Variants in TNFSF4 observed in about 807,000 individuals in gnomAD.
The protein encoded by TNFSF4 is TNF superfamily member 4.
A neutral mutation model predicts 7.3 loss-of-function variants in TNFSF4; 4 were observed. That is an observed-to-expected ratio of 0.55 (90% CI 0.27 to 1.25). TNFSF4 has a LOEUF of 1.25. Ranked by LOEUF, TNFSF4 falls within the 50% of genes most tolerant of loss-of-function variation. The probability of loss-of-function intolerance (pLI) is 0.12; values close to 1 mark genes in which losing one functional copy is unlikely to be tolerated. For synonymous variants in TNFSF4, 76 were observed against 83.7 expected, an observed-to-expected ratio of 0.91 and a Z score of 0.50; for missense variants, 181 against 208.8, an observed-to-expected ratio of 0.87 and a Z score of 0.82.
At chr1:173,289,364 G>A in the TNFSF4 span, among the ~76,000 whole-genome samples, 1 of 152,092 alleles carries the variant, frequency 6.6e-6, no homozygotes, top group Non-Finnish European at 1.5e-5. Context: ...ATGCTATCTT[G>A]AAATTTCCCA....
intron 2 of TNFSF4, 175 bp downstream of exon 2, chr1:173,188,346 T>C: frequency 1.7e-6 from 1 of 603,014 alleles, no homozygotes; most frequent in East Asian, 2.8e-5. Flanking sequence ...TTTCTCTTTA[T>C]ACATCTGTAT....
chr1:173,279,118 G>A, the TNFSF4 span, among the ~76,000 whole-genome samples: 1 of 151,972 alleles, frequency 6.6e-6, no homozygotes, highest in African/African-American at 2.4e-5. Context: ...TTTCCCCTAG[G>A]ACATTGTAGG....
the TNFSF4 span, among the ~76,000 whole-genome samples, chr1:173,306,847 A>C: frequency 2.0e-5 from 3 of 151,996 alleles, no homozygotes; most frequent in Middle Eastern, 3.4e-3. Context: ...ATGGATTCGA[A>C]CTTCCCTGAC....
the TNFSF4 span, among the ~76,000 whole-genome samples, chr1:173,306,373 T>C: frequency 3.7e-4 from 56 of 151,924 alleles, no homozygotes; most frequent in Admixed American, 5.9e-4. Context: ...AATCTCTAGC[T>C]CTTATTCCAC....
the TNFSF4 span, among the ~76,000 whole-genome samples, chr1:173,253,738 C>T: frequency 2.4e-4 from 36 of 152,128 alleles, no homozygotes; most frequent in Admixed American, 1.3e-3. Flanking sequence ...GCTCCTCTGA[C>T]GTTGTGGGGT....
the TNFSF4 span, among the ~76,000 whole-genome samples, chr1:173,420,980 TAC>T: frequency 1.3e-5 from 2 of 152,322 alleles, no homozygotes; most frequent in Admixed American, 1.3e-4. Flanking sequence ...ATGCACCAGT[TAC>T]AGTTATGTTA....
chr1:173,251,448 T>G, the TNFSF4 span, among the ~76,000 whole-genome samples: 1 of 152,180 alleles, frequency 6.6e-6, no homozygotes, highest in Non-Finnish European at 1.5e-5. Context: ...TCTATGACAG[T>G]GCCTAGCACA....
chr1:173,176,995 G>C, the TNFSF4 span, among the ~76,000 whole-genome samples: 1 of 152,088 alleles, frequency 6.6e-6, no homozygotes, highest in Non-Finnish European at 1.5e-5. Context: ...GGGGTTAGGA[G>C]AGGATAAAAA....
chr1:173,226,000 T>C, the TNFSF4 span, among the ~76,000 whole-genome samples: 2 of 152,242 alleles, frequency 1.3e-5, no homozygotes, highest in African/African-American at 4.8e-5. Context: ...TTTTTAAAAA[T>C]AAATTCATTT....
the TNFSF4 span, among the ~76,000 whole-genome samples, chr1:173,372,255 T>G: frequency 6.6e-6 from 1 of 152,148 alleles, no homozygotes; most frequent in Non-Finnish European, 1.5e-5. Flanking sequence ...GATCACTGGT[T>G]TTTGCTGACT....
chr1:173,204,720 T>C (rs963238623), intron 1 of TNFSF4, among the ~76,000 whole-genome samples: 2 of 151,486 alleles, frequency 1.3e-5, no homozygotes, highest in African/African-American at 4.9e-5. Flanking sequence ...AGGTTTGACT[T>C]GCCTCATCAC....
chr1:173,242,471 GA>G, the TNFSF4 span, among the ~76,000 whole-genome samples: 1 of 152,188 alleles, frequency 6.6e-6, no homozygotes, highest in Non-Finnish European at 1.5e-5. Flanking sequence ...TTGAGTAAAA[GA>G]ATTAGAGTAG....
At chr1:173,280,039 T>G in the TNFSF4 span, among the ~76,000 whole-genome samples, 1 of 152,118 alleles carries the variant, frequency 6.6e-6, no homozygotes, top group Non-Finnish European at 1.5e-5. Flanking sequence ...ACTTTTTCAG[T>G]CTTTCCTCTG....
chr1:173,207,296 G>A lies in TNFSF4; in HGVS notation c.-120C>T. The A allele has an allele frequency of 2.2e-6, 2 of 921,064 alleles. No individual in the cohort carries two copies. The highest frequency in any genetic ancestry group is 1.7e-5 in the African/African-American group (1 of 60,146). 57.1% of individuals were successfully genotyped at this position (921,064 alleles called of 1,614,324 possible). A position where few individuals can be genotyped will look rare whatever the true frequency, so the allele number is the denominator to read the frequency against. ...AACAAAGCCTATCAATCAGAAAATA[G>A]GCAAAGGTCCCAGGGCCAGAGATAA... On this transcript the variant is annotated 5_prime_UTR_variant, in exon 1 of 3. Transcript: ENST00000281834.
chr1:173,309,402 GT>G, the TNFSF4 span, among the ~76,000 whole-genome samples: 18 of 150,622 alleles, frequency 1.2e-4, no homozygotes, highest in Admixed American at 6.6e-4. Context: ...AGTTTACTGA[GT>G]TTTTTTTTAA....
the TNFSF4 span, among the ~76,000 whole-genome samples, chr1:173,402,997 T>C: frequency 1.3e-5 from 2 of 152,026 alleles, no homozygotes; most frequent in Non-Finnish European, 2.9e-5. Flanking sequence ...GGACCACAGG[T>C]GCTCACCACG....
the TNFSF4 span, among the ~76,000 whole-genome samples, chr1:173,259,995 A>C: frequency 6.6e-6 from 1 of 152,252 alleles, no homozygotes; most frequent in South Asian, 2.1e-4. Flanking sequence ...AGAGAACCCC[A>C]CTAAGATACT....
At chr1:173,343,144 G>A in the TNFSF4 span, among the ~76,000 whole-genome samples, 4 of 152,104 alleles carry the variant, frequency 2.6e-5, no homozygotes, top group Admixed American at 2.0e-4. Context: ...ATTTCTATGT[G>A]CCAGCACTCA....
downstream of TNFSF4, among the ~76,000 whole-genome samples, chr1:173,181,766 T>A (rs576539727): frequency 6.6e-6 from 1 of 152,198 alleles, no homozygotes; most frequent in Non-Finnish European, 1.5e-5. Context: ...GCATTAAAAG[T>A]GTTCATGTGC....
Sources: allele counts gnomAD v4.1 joint callset (sites outside exome capture counted in the v4.1 genomes callset), GRCh38; gene constraint gnomAD v4.1.1; transcripts MANE v1.5; gene names NCBI Gene and HGNC (gene_info 2026-07-23, HGNC 2026-07-21).